Variants in MDFIC observed in about 807,000 individuals in gnomAD.
MDFIC encodes the protein myoD family inhibitor domain-containing protein.
MDFIC carries 17 observed loss-of-function variants against 23.2 expected under a neutral mutation model. The observed-to-expected ratio is 0.73, with a 90% CI of 0.50 to 1.10. The LOEUF is 1.10. Among genes scored for constraint, MDFIC ranks in the 50% least tolerant of loss-of-function variants. The pLI, the probability that MDFIC is intolerant of heterozygous loss-of-function variation, is 0.00. For synonymous variants in MDFIC, 120 were observed against 115.2 expected (o/e 1.04, Z -0.27); for missense variants, 356 against 316.6 (o/e 1.12, Z -0.95).
At chr7:114,933,822 T>C (rs1792375675) in intron 2 of MDFIC, 1 of 152,230 alleles carries the variant, frequency 6.6e-6, no homozygotes, top group African/African-American at 2.4e-5. Context: ...AAGATTAGAC[T>C]TTGATTTTTT....
rs75938219 is a variant in MDFIC at position 114,922,376 on chromosome 7, G to A, written c.-368G>A. 12,493 of 1,232,592 alleles carry A rather than the reference G, an allele frequency of 0.01. 92 individuals carry two copies. The highest frequency in any genetic ancestry group is 0.035 in the South Asian group (848 of 24,338). 76.4% of individuals were successfully genotyped at this position (1,232,592 alleles called of 1,614,324 possible). On this transcript the variant is annotated 5_prime_UTR_variant, in exon 1 of 5. Coordinates refer to ENST00000393486, the MANE Select transcript of MDFIC (RefSeq NM_001166345.3). ...AGAGAGGGGGAAGGCCCCCTCGCAG[G>A]GGAGCCGGCTGGAGTGAGCTGGCTG...
intron 4 of MDFIC, among the ~76,000 whole-genome samples, chr7:114,995,457 T>C (rs912043432): frequency 1.3e-5 from 2 of 152,170 alleles, no homozygotes; most frequent in African/African-American, 4.8e-5. Context: ...TGCTCTGTTT[T>C]CCCCCCATCT....
Position 115,017,055 on chromosome 7 carries a change from C to G in MDFIC, c.*1120C>G, listed in dbSNP as rs1035406945. The G allele has an allele frequency of 6.6e-6, 1 of 152,170 alleles. No individual in the cohort carries two copies. The highest frequency in any genetic ancestry group is 2.4e-5 in the African/African-American group (1 of 41,444). The allele number at this position is 152,170 out of a possible 1,614,324, so 9.4% of individuals were successfully genotyped here. A position where few individuals can be genotyped will look rare whatever the true frequency, so the allele number is the denominator to read the frequency against. On this transcript the variant is annotated 3_prime_UTR_variant, in exon 5 of 5. Transcript: ENST00000393486. ...GGACTCTCTTAGAATGAGTGATTCACCTGCTATTTAAATGAATTATTTAGA... is the reference window on the plus strand; with the variant it reads ...GGACTCTCTTAGAATGAGTGATTCAGCTGCTATTTAAATGAATTATTTAGA...
chr7:114,923,318 AGAGGGCGGGAACC>A, intron 2 of MDFIC, 191 bp downstream of exon 2: 3 of 1,143,128 alleles, frequency 2.6e-6, no homozygotes, highest in Non-Finnish European at 3.7e-6. Context: ...CAACCGGGTA[AGAGGGCGGGAACC>A]GTTGGTCCCT....
chr7:114,980,931 A>G (rs577893728), intron 4 of MDFIC, among the ~76,000 whole-genome samples: 1 of 152,342 alleles, frequency 6.6e-6, no homozygotes, highest in Admixed American at 6.5e-5. Context: ...TAGGTTGATC[A>G]AATGATATGA....
chr7:115,009,503 A>T (rs151255956), intron 4 of MDFIC, among the ~76,000 whole-genome samples: 1 of 152,338 alleles, frequency 6.6e-6, no homozygotes, highest in Non-Finnish European at 1.5e-5. Flanking sequence ...ATTTGGCCAC[A>T]TACTGATCAG....
rs1378917277 is a variant in MDFIC at position 115,017,470 on chromosome 7, A to AT, written c.*1541dup. 1 of 152,410 alleles carries AT rather than the reference A, an allele frequency of 6.6e-6. No homozygotes were observed. Among genetic ancestry groups the AT allele is most frequent in the African/African-American group, 2.4e-5 (1 of 41,436 alleles). 9.4% of individuals were successfully genotyped at this position (152,410 alleles called of 1,614,324 possible). The stretch of plus-strand genomic sequence containing the variant: ...TTTAGTTTGTTTCTTAAGCAGTGCT[A>AT]TTTTTTGTAAACACAGATAAATGGA... On this transcript the variant is annotated 3_prime_UTR_variant, in exon 5 of 5. Coordinates refer to ENST00000393486, the MANE Select transcript of MDFIC (RefSeq NM_001166345.3).
chr7:115,000,117 G>A (rs552774026), intron 4 of MDFIC, among the ~76,000 whole-genome samples: 29 of 152,132 alleles, frequency 1.9e-4, no homozygotes, highest in African/African-American at 6.5e-4. Context: ...AACTATGAAC[G>A]ACATATAGAA....
intron 3 of MDFIC, among the ~76,000 whole-genome samples, chr7:114,943,678 A>G (rs1330528142): frequency 6.6e-6 from 1 of 152,214 alleles, no homozygotes; most frequent in African/African-American, 2.4e-5. Context: ...TGACTCTGCT[A>G]TTGTGAAACA....
intron 3 of MDFIC, among the ~76,000 whole-genome samples, chr7:114,949,859 A>G (rs1027004043): frequency 2.0e-5 from 3 of 152,146 alleles, no homozygotes; most frequent in African/African-American, 7.2e-5. Flanking sequence ...AAGGGAGTCC[A>G]CCAACTGAAG....
intron 3 of MDFIC, among the ~76,000 whole-genome samples, chr7:114,953,160 A>G (rs1792812897): frequency 6.6e-6 from 1 of 152,194 alleles, no homozygotes; most frequent in South Asian, 2.1e-4. Context: ...AATTTGTGAT[A>G]GTTGATTTTT....
In MDFIC at chr7:114,997,786, A is replaced by T. The variant is rs1562825713; in HGVS notation, c.494-17902A>T. ...AAAAAAAGAAAAGAAAAGAAAAGAA[A>T]GAAAAAGAAAGAAAGAGAAAGAAAG... On this transcript the variant is annotated intron_variant, in intron 4 of 4. Transcript: ENST00000393486. Among the ~76,000 whole-genome samples the T allele has an allele frequency of 2.0e-5, 3 of 151,706 alleles. No homozygotes were observed. The South Asian group carries it at 6.2e-4, about 32-fold the overall frequency.
intron 3 of MDFIC, among the ~76,000 whole-genome samples, chr7:114,962,676 A>G (rs1793016466): frequency 6.6e-6 from 1 of 152,208 alleles, no homozygotes. Flanking sequence ...GTGGAGTTGG[A>G]AAAAGGTTGA....
intron 2 of MDFIC, chr7:114,933,813 A>G (rs1471299356): frequency 6.6e-6 from 1 of 152,256 alleles, no homozygotes; most frequent in African/African-American, 2.4e-5. Flanking sequence ...CATGGAGAGA[A>G]GATTAGACTT....
chr7:114,930,881 T>C (rs2115702682), intron 2 of MDFIC, among the ~76,000 whole-genome samples: 1 of 152,338 alleles, frequency 6.6e-6, no homozygotes, highest in African/African-American at 2.4e-5. Context: ...TCTAAAAGCA[T>C]TCAGTTTTTA....
chr7:114,981,130 G>C (rs528239929), intron 4 of MDFIC, among the ~76,000 whole-genome samples: 1 of 152,260 alleles, frequency 6.6e-6, no homozygotes, highest in East Asian at 1.9e-4. Context: ...TTTCTTTAGA[G>C]GATCTTCGCT....
intron 4 of MDFIC, among the ~76,000 whole-genome samples, chr7:114,992,596 T>A (rs973619263): frequency 1.3e-5 from 2 of 152,080 alleles, no homozygotes; most frequent in African/African-American, 2.4e-5. Flanking sequence ...TTCTGCATCT[T>A]TTGAGATAAT....
chr7:114,990,801 A>G (rs1356238546), intron 4 of MDFIC, among the ~76,000 whole-genome samples: 3 of 152,196 alleles, frequency 2.0e-5, no homozygotes, highest in Non-Finnish European at 4.4e-5. Flanking sequence ...TAGTGCCCCA[A>G]TAAACATACA....
chr7:114,996,741 C>G (rs1791341343), intron 4 of MDFIC, among the ~76,000 whole-genome samples: 1 of 152,154 alleles, frequency 6.6e-6, no homozygotes, highest in African/African-American at 2.4e-5. Flanking sequence ...GATTATGATT[C>G]ATTTGGAATG....
Sources: allele counts gnomAD v4.1 joint callset (sites outside exome capture counted in the v4.1 genomes callset), GRCh38; gene constraint gnomAD v4.1.1; transcripts MANE v1.5; gene names NCBI Gene and HGNC (gene_info 2026-07-23, HGNC 2026-07-21).